The following MACROD2 variants were observed in gnomAD, a reference collection of about 807,000 sequenced individuals.
The protein encoded by MACROD2 is mono-ADP ribosylhydrolase 2.
Under a neutral mutation model 70.4 loss-of-function variants are expected in MACROD2, and 36 were observed. The ratio of observed to expected loss-of-function variants is 0.51; its 90% CI spans 0.39 to 0.68. The LOEUF (loss-of-function observed/expected upper bound fraction) is 0.68. MACROD2 is among the 30% of genes least tolerant of loss of function. The pLI is 0.00. For missense variants in MACROD2, 496 were observed against 538.4 expected, an observed-to-expected ratio of 0.92 and a Z score of 0.78; for synonymous variants, 172 against 178.8, an observed-to-expected ratio of 0.96 and a Z score of 0.30.
chr20:15,966,201 G>C (rs2066137849), intron 12 of MACROD2, among the ~76,000 whole-genome samples: 1 of 152,196 alleles, frequency 6.6e-6, no homozygotes, highest in South Asian at 2.1e-4. Flanking sequence ...ATCTGATTCA[G>C]CTCTGTTGGG....
chr20:14,831,780 CAAAAAAAAAAAA>C (rs71190151), intron 5 of MACROD2, among the ~76,000 whole-genome samples: 2 of 37,180 alleles, frequency 5.4e-5, no homozygotes, highest in African/African-American at 9.9e-5. Context: ...AACTCCGTCT[CAAAAAAAAAAAA>C]AAAAAAAAAA....
At chr20:14,764,316 C>T (rs137948870) in intron 5 of MACROD2, among the ~76,000 whole-genome samples, 10 of 152,174 alleles carry the variant, frequency 6.6e-5, no homozygotes, top group Non-Finnish European at 8.8e-5. Flanking sequence ...TCAGTCCCAG[C>T]GGGTCCCACT....
intron 8 of MACROD2, among the ~76,000 whole-genome samples, chr20:15,644,972 A>G (rs764636867): frequency 7.2e-5 from 11 of 152,208 alleles, no homozygotes; most frequent in Non-Finnish European, 1.6e-4. Flanking sequence ...TACAGGCGTG[A>G]GCTACCACGC....
intron 8 of MACROD2, among the ~76,000 whole-genome samples, chr20:15,656,679 A>G (rs897574040): frequency 6.6e-6 from 1 of 152,192 alleles, no homozygotes; most frequent in Admixed American, 6.5e-5. Flanking sequence ...GTGAAAGCTA[A>G]ACAGAGCCGG....
In MACROD2 at chr20:15,869,234, T is replaced by TAGAGAG. The variant is rs1198181652; in HGVS notation, c.727+6409_727+6410insGAGAGA. Among the ~76,000 whole-genome samples, 124 of 31,664 alleles carry TAGAGAG rather than the reference T, an allele frequency of 3.9e-3. 1 individual carries two copies. Among genetic ancestry groups the TAGAGAG allele is most frequent in the East Asian group, 8.7e-3 (12 of 1,384 alleles). The allele number at this position is 31,664 out of a possible 152,430, so 20.8% of individuals were successfully genotyped here. ...ACATATATATATATATATATATATATATATAGAGAGAGAGAGAGAGAGAGA... is the reference window on the plus strand; with the variant it reads ...ACATATATATATATATATATATATATAGAGAGATATAGAGAGAGAGAGAGAGAGAGA... On this transcript the variant is annotated intron_variant, in intron 9 of 17. Coordinates refer to ENST00000684519, the MANE Select transcript of MACROD2 (RefSeq NM_001351661.2).
At chr20:15,488,725 C>T (rs2208136) in intron 7 of MACROD2, among the ~76,000 whole-genome samples, 1 of 152,112 alleles carries the variant, frequency 6.6e-6, no homozygotes, top group Non-Finnish European at 1.5e-5. Flanking sequence ...TCCCAATATA[C>T]GCCTTTTCTA....
At chr20:14,714,889 T>C (rs1011001797) in intron 5 of MACROD2, among the ~76,000 whole-genome samples, 20 of 152,352 alleles carry the variant, frequency 1.3e-4, no homozygotes, top group Admixed American at 9.8e-4. Context: ...TTTTCCGCAG[T>C]GTCCACAGTG....
At chr20:15,167,096 A>C (rs1477876549) in intron 5 of MACROD2, among the ~76,000 whole-genome samples, 2 of 152,160 alleles carry the variant, frequency 1.3e-5, no homozygotes, top group East Asian at 3.9e-4. Flanking sequence ...CAGAAAAATT[A>C]CTGGAATTAT....
intron 5 of MACROD2, among the ~76,000 whole-genome samples, chr20:14,911,765 A>G (rs139077916): frequency 1.2e-3 from 180 of 152,236 alleles, no homozygotes; most frequent in African/African-American, 4.2e-3. Context: ...ATACCTTACT[A>G]TATGCCAGAT....
At position 14,632,637 on chromosome 20, in the gene MACROD2, A is replaced by G. The variant is rs143206828; in HGVS notation, c.302-52206A>G. 7.4e-3 allele frequency among the ~76,000 whole-genome samples: 1,134 copies of G among 152,258 alleles called. 8 individuals carry two copies. The highest frequency in any genetic ancestry group is 0.025 in the African/African-American group (1,030 of 41,538). On this transcript the variant is annotated intron_variant, in intron 4 of 17. Transcript: ENST00000684519. ...TTGTGACATTCCTTATTTAGTCTGG[A>G]AAGTGGAAGGTAGTAGATAGTTAAA... is the stretch of plus-strand genomic sequence containing the variant.
chr20:14,935,055 G>A (rs2074328748), intron 5 of MACROD2: 1 of 151,608 alleles, frequency 6.6e-6, no homozygotes, highest in Non-Finnish European at 1.5e-5. Flanking sequence ...CATGGAGCAG[G>A]GTGAAAAATG....
chr20:14,923,015 G>A (rs1663970644), intron 5 of MACROD2, among the ~76,000 whole-genome samples: 1 of 152,178 alleles, frequency 6.6e-6, no homozygotes, highest in Non-Finnish European at 1.5e-5. Flanking sequence ...GTTAGGAGCT[G>A]GAGATTAAAA....
intron 5 of MACROD2, among the ~76,000 whole-genome samples, chr20:14,729,771 G>C (rs969611632): frequency 1.3e-5 from 2 of 151,716 alleles, no homozygotes; most frequent in East Asian, 1.9e-4. Context: ...AGTTAAAATG[G>C]TCACAAACTC....
chr20:14,954,957 A>AT, intron 5 of MACROD2, among the ~76,000 whole-genome samples: 4 of 106,168 alleles, frequency 3.8e-5, no homozygotes, highest in Admixed American at 1.2e-4. Context: ...TATATTATAT[A>AT]TAATTTATAT....
intron 4 of MACROD2, among the ~76,000 whole-genome samples, chr20:14,618,294 G>A (rs1202843333): frequency 6.6e-6 from 1 of 152,058 alleles, no homozygotes; most frequent in Non-Finnish European, 1.5e-5. Flanking sequence ...ACCTTATCTT[G>A]TTTGTGTGTT....
intron 8 of MACROD2, among the ~76,000 whole-genome samples, chr20:15,630,699 ATG>A (rs1472204370): frequency 3.3e-5 from 5 of 152,242 alleles, no homozygotes; most frequent in African/African-American, 1.2e-4. Flanking sequence ...ATGTAGATGC[ATG>A]CCCTTTGGCC....
intron 3 of MACROD2, among the ~76,000 whole-genome samples, chr20:14,470,380 G>A (rs1456853415): frequency 6.6e-6 from 1 of 152,190 alleles, no homozygotes; most frequent in Non-Finnish European, 1.5e-5. Context: ...TCTGGAAGGT[G>A]TCTCCCAGTC....
At chr20:15,811,322 A>T (rs1044145480) in intron 8 of MACROD2, among the ~76,000 whole-genome samples, 3 of 151,938 alleles carry the variant, frequency 2.0e-5, no homozygotes, top group Admixed American at 2.0e-4. Context: ...ATGCAGCCAA[A>T]AAACACATGA....
chr20:16,013,789 C>T (rs1009956253), intron 15 of MACROD2, among the ~76,000 whole-genome samples: 3 of 152,186 alleles, frequency 2.0e-5, no homozygotes, highest in African/African-American at 7.2e-5. Flanking sequence ...TCGCAGATTC[C>T]TCTGACCATA....
Sources: allele counts gnomAD v4.1 joint callset (sites outside exome capture counted in the v4.1 genomes callset), GRCh38; gene constraint gnomAD v4.1.1; transcripts MANE v1.5; gene names NCBI Gene and HGNC (gene_info 2026-07-23, HGNC 2026-07-21).